Variants in ASIP observed in about 807,000 individuals in gnomAD.
The protein encoded by ASIP is agouti-signaling protein.
A neutral mutation model predicts 10.3 loss-of-function variants in ASIP; 11 were observed. That is an observed-to-expected ratio of 1.07 (90% confidence interval 0.68 to 1.78). The LOEUF (loss-of-function observed/expected upper bound fraction) is 1.78. Ranked by LOEUF, ASIP falls within the 40% of genes most tolerant of loss-of-function variation. ASIP has a pLI of 0.00. For missense variants in ASIP, 180 were observed against 169.2 expected (o/e 1.06, Z -0.35); for synonymous variants, 70 against 70.8 (o/e 0.99, Z 0.06).
At chr20:34,249,981 G>A (rs2035446839) in intron 1 of ASIP, 2 of 152,256 alleles carry the variant, frequency 1.3e-5, no homozygotes, top group East Asian at 3.8e-4. Context: ...AGGAAAGCCT[G>A]CCTTCATCTT....
Position 34,260,553 on chromosome 20 carries a change from G to C in ASIP, c.160+19G>C, listed in dbSNP as rs767665154. 3.8e-6 allele frequency: 6 copies of C among 1,592,776 alleles called. No individual in the cohort carries two copies. Among genetic ancestry groups the C allele is most frequent in the Non-Finnish European group, 5.1e-6 (6 of 1,165,636 alleles). Reference sequence around the variant, plus strand: ...ATTGTGGGTAAGTCACCTAGCCTCTGGGCTCTGGCCCAGGAGAGGGGCTGC... The same window carrying C: ...ATTGTGGGTAAGTCACCTAGCCTCTCGGCTCTGGCCCAGGAGAGGGGCTGC... On this transcript the variant is annotated intron_variant, in intron 2 of 3. Transcript: ENST00000374954.
intron 3 of ASIP, among the ~76,000 whole-genome samples, chr20:34,265,848 A>G (rs2424986): frequency 0.24 from 37,012 of 151,176 alleles, 7,352 homozygotes; most frequent in African/African-American, 0.55. Context: ...TACTCAGGAG[A>G]CTGAGGCAGG....
chr20:34,222,455 A>G (rs1456839755), intron 1 of ASIP, among the ~76,000 whole-genome samples: 1 of 152,166 alleles, frequency 6.6e-6, no homozygotes, highest in Non-Finnish European at 1.5e-5. Context: ...CGTATTGAGC[A>G]ACTCTGAAAC....
intron 3 of ASIP, among the ~76,000 whole-genome samples, chr20:34,268,518 T>C (rs1175631309): frequency 1.3e-5 from 2 of 151,080 alleles, no homozygotes; most frequent in African/African-American, 4.9e-5. Flanking sequence ...AGCTCAAGAG[T>C]TTGAGACCAA....
intron 1 of ASIP, among the ~76,000 whole-genome samples, chr20:34,226,443 C>T (rs1230643027): frequency 6.6e-6 from 1 of 152,046 alleles, no homozygotes; most frequent in Non-Finnish European, 1.5e-5. Flanking sequence ...ACTTCTGCCT[C>T]CTGGGTTCAA....
At chr20:34,203,928 G>A (rs2034917660) in intron 1 of ASIP, among the ~76,000 whole-genome samples, 1 of 152,044 alleles carries the variant, frequency 6.6e-6, no homozygotes. Context: ...GTTTCACCAT[G>A]TTGGCCAGGC....
chr20:34,194,873 C>G (rs549408015), intron 1 of ASIP: 1 of 152,272 alleles, frequency 6.6e-6, no homozygotes, highest in Non-Finnish European at 1.5e-5. Flanking sequence ...TCTTCTTCTC[C>G]TCGTTTTCCT....
chr20:34,209,341 C>T (rs1298612667), intron 1 of ASIP, among the ~76,000 whole-genome samples: 1 of 152,202 alleles, frequency 6.6e-6, no homozygotes, highest in African/African-American at 2.4e-5. Flanking sequence ...GGCAGGAGGC[C>T]TACCCTCACG....
chr20:34,246,604 A>T (rs541815744), intron 1 of ASIP: 1 of 661,776 alleles, frequency 1.5e-6, no homozygotes, highest in East Asian at 2.9e-5. Flanking sequence ...CCACAGGCAC[A>T]TGCCACCATG....
chr20:34,260,985 A>G (rs1182397121), intron 2 of ASIP, among the ~76,000 whole-genome samples: 2 of 152,206 alleles, frequency 1.3e-5, no homozygotes, highest in African/African-American at 2.4e-5. Context: ...ACTTCACCTG[A>G]TAATAATCAT....
upstream of ASIP, among the ~76,000 whole-genome samples, chr20:34,241,012 G>A (rs998321210): frequency 4.6e-5 from 7 of 152,174 alleles, no homozygotes; most frequent in Non-Finnish European, 1.0e-4. Flanking sequence ...AAATCTCAGA[G>A]CAACACGCCT....
intron 1 of ASIP, among the ~76,000 whole-genome samples, chr20:34,223,303 G>C (rs1441006331): frequency 1.3e-5 from 2 of 150,274 alleles, no homozygotes; most frequent in East Asian, 2.0e-4. Flanking sequence ...TGTGAGGAGC[G>C]CCTCTGCCCG....
chr20:34,209,870 G>A (rs1601572620), intron 1 of ASIP, among the ~76,000 whole-genome samples: 1 of 152,178 alleles, frequency 6.6e-6, no homozygotes, highest in Admixed American at 6.5e-5. Context: ...TGGGAGTCTG[G>A]CTGCCAGTCC....
intron 1 of ASIP, chr20:34,214,192 G>T: frequency 1.6e-6 from 2 of 1,284,284 alleles, no homozygotes; most frequent in Non-Finnish European, 2.3e-6. Flanking sequence ...GGATTCATTT[G>T]CTTATTGAGA....
chr20:34,202,972 C>G (rs7509428), intron 1 of ASIP, among the ~76,000 whole-genome samples: 1 of 151,914 alleles, frequency 6.6e-6, no homozygotes. Flanking sequence ...CTACGCCCGG[C>G]TAATTTTTTG....
At position 34,214,741 on chromosome 20, in the gene ASIP, A is replaced by G. The variant is rs980450087; in HGVS notation, c.-11+19981A>G. On this transcript the variant is annotated intron_variant, in intron 1 of 3. Transcript: ENST00000568305. ...AGTCAATTTTTTCATAACGGCCAAC[A>G]TGATTGCCTCCACATTAGCTTTTTG... The G allele has an allele frequency of 5.8e-6, 7 of 1,207,288 alleles. No homozygotes were observed. In the African/African-American group the frequency reaches 8.8e-5, roughly 15 times the overall value. The allele number at this position is 1,207,288 out of a possible 1,614,324, so 74.8% of individuals were successfully genotyped here.
In ASIP at chr20:34,269,239, A is replaced by C. The variant is rs1182296924; in HGVS notation, c.*72A>C. 9.1e-6 allele frequency: 13 copies of C among 1,422,018 alleles called. No individual in the cohort carries two copies. Among genetic ancestry groups the C allele is most frequent in the African/African-American group, 1.5e-5 (1 of 66,728 alleles). 88.1% of individuals were successfully genotyped at this position (1,422,018 alleles called of 1,614,324 possible). On this transcript the variant is annotated 3_prime_UTR_variant, in exon 4 of 4. Coordinates refer to ENST00000374954, the MANE Select transcript of ASIP (RefSeq NM_001672.3). ...GGCGCTTCTCGGGCGGGTGATCCCT[A>C]ACAGGGCGGCTTCCCAGGGCTGCAG... is the stretch of plus-strand genomic sequence containing the variant.
In ASIP at chr20:34,214,299, C is replaced by T. The variant is rs1031538193; in HGVS notation, c.-11+19539C>T. On this transcript the variant is annotated intron_variant, in intron 1 of 3. Transcript: ENST00000568305. ...GTGATCTAAGAAAGCCATTAGTACA[C>T]ATGGAACGTGCTGAGGTTCAACTGT... is the stretch of plus-strand genomic sequence containing the variant. The T allele has an allele frequency of 1.7e-5, 23 of 1,369,282 alleles. No individual in the cohort carries two copies. In the African/African-American group the frequency reaches 2.7e-4, roughly 16 times the overall value. 84.8% of individuals were successfully genotyped at this position (1,369,282 alleles called of 1,614,324 possible).
At chr20:34,213,151 G>A (rs1771850536) in intron 1 of ASIP, among the ~76,000 whole-genome samples, 1 of 152,150 alleles carries the variant, frequency 6.6e-6, no homozygotes, top group African/African-American at 2.4e-5. Flanking sequence ...GCAAGGGTGG[G>A]TTCACCCTTC....
Sources: allele counts gnomAD v4.1 joint callset (sites outside exome capture counted in the v4.1 genomes callset), GRCh38; gene constraint gnomAD v4.1.1; transcripts MANE v1.5; gene names NCBI Gene and HGNC (gene_info 2026-07-23, HGNC 2026-07-21).